Variants in FNBP1 observed in about 807,000 individuals in gnomAD.
FNBP1 encodes formin binding protein 1.
Under a neutral mutation model 90.6 loss-of-function variants are expected in FNBP1, and 26 were observed. The observed-to-expected ratio is 0.29, with a 90% CI of 0.21 to 0.40. The LOEUF is 0.40. FNBP1 is among the 10% of genes least tolerant of loss of function. The probability of loss-of-function intolerance (pLI) is 1.00; values close to 1 mark genes in which losing one functional copy is unlikely to be tolerated. For synonymous variants in FNBP1, 260 were observed against 265.2 expected, an observed-to-expected ratio of 0.98 and a Z score of 0.19; for missense variants, 635 against 768.0, an observed-to-expected ratio of 0.83 and a Z score of 2.05.
At chr9:129,945,733 T>C (rs968032005) in intron 6 of FNBP1, among the ~76,000 whole-genome samples, 2 of 152,246 alleles carry the variant, frequency 1.3e-5, no homozygotes, top group African/African-American at 4.8e-5. Context: ...CTACTAAATT[T>C]CGTTTGTTTT....
At chr9:129,913,764 C>T (rs1042291110) in intron 11 of FNBP1, among the ~76,000 whole-genome samples, 1 of 152,056 alleles carries the variant, frequency 6.6e-6, no homozygotes, top group East Asian at 1.9e-4. Context: ...GAGCGAGACT[C>T]TGTCTCCTAA....
At position 129,946,180 on chromosome 9, in the gene FNBP1, A is replaced by G. The variant is rs928986235; in HGVS notation, c.513+11180T>C. On this transcript the variant is annotated intron_variant, in intron 6 of 16. Transcript: ENST00000446176. ...CAATACTCTGTTTCAAAAAAAAACA[A>G]AAAACCAGAAATGAAATTTTATTTT... 5.3e-5 allele frequency among the ~76,000 whole-genome samples: 8 copies of G among 152,208 alleles called. No homozygotes were observed. The East Asian group carries it at 1.3e-3, about 26-fold the overall frequency.
chr9:129,901,330 A>G (rs1164278707), intron 13 of FNBP1, among the ~76,000 whole-genome samples: 2 of 151,868 alleles, frequency 1.3e-5, no homozygotes, highest in Non-Finnish European at 2.9e-5. Context: ...TGAGGTCAGG[A>G]GTTCGAGACC....
chr9:129,918,042 C>T (rs2040520670), intron 10 of FNBP1, among the ~76,000 whole-genome samples: 1 of 152,238 alleles, frequency 6.6e-6, no homozygotes, highest in African/African-American at 2.4e-5. Context: ...TATTTGCTCT[C>T]TACTCGGCTA....
chr9:130,013,541 A>G (rs538376654), intron 1 of FNBP1, among the ~76,000 whole-genome samples: 8 of 152,280 alleles, frequency 5.3e-5, no homozygotes, highest in Admixed American at 5.2e-4. Context: ...TTTACCTAGT[A>G]AAGGTGAACC....
At chr9:130,021,291 G>A (rs2131912408) in intron 1 of FNBP1, among the ~76,000 whole-genome samples, 1 of 152,248 alleles carries the variant, frequency 6.6e-6, no homozygotes, top group South Asian at 2.1e-4. Context: ...CAGGGAAACT[G>A]AATGATGTTT....
At chr9:130,001,893 T>G (rs925949153) in intron 1 of FNBP1, among the ~76,000 whole-genome samples, 5 of 151,790 alleles carry the variant, frequency 3.3e-5, no homozygotes, top group African/African-American at 1.2e-4. Context: ...CCAGGCATGA[T>G]GGTGGGCGCC....
chr9:129,893,640 C>CAAAAAAAAAAAAAAAAAA (rs2035352358), intron 16 of FNBP1, among the ~76,000 whole-genome samples: 1 of 24,032 alleles, frequency 4.2e-5, no homozygotes, highest in African/African-American at 1.4e-4. Context: ...AAAAAAAAGC[C>CAAAAAAAAAAAAAAAAAA]AGGCACGGGC....
In FNBP1 at chr9:129,980,377, A is replaced by T. The variant is rs1298399117; in HGVS notation, c.141-1003T>A. ...CTCCATCTCCAAAAAAAAAAAAAAA[A>T]TCAGAGTGCCAAGGGCATGTTTCTA... On this transcript the variant is annotated intron_variant, in intron 2 of 16. Transcript: ENST00000446176. Among the ~76,000 whole-genome samples, 4 of 151,668 alleles carry T rather than the reference A, an allele frequency of 2.6e-5. 1 individual carries two copies. Among genetic ancestry groups the T allele is most frequent in the African/African-American group, 9.7e-5 (4 of 41,316 alleles).
intron 1 of FNBP1, among the ~76,000 whole-genome samples, chr9:130,024,263 G>A (rs549976439): frequency 1.8e-4 from 28 of 151,846 alleles, no homozygotes; most frequent in Admixed American, 3.3e-4. Context: ...CAAAAAAACA[G>A]GAAATAATAA....
chr9:130,006,985 G>C (rs978150143), intron 1 of FNBP1, among the ~76,000 whole-genome samples: 5 of 151,932 alleles, frequency 3.3e-5, no homozygotes, highest in Non-Finnish European at 7.4e-5. Context: ...TATAATCCCA[G>C]CACTTTGGGA....
At chr9:129,912,445 T>A (rs1211631932) in intron 11 of FNBP1, among the ~76,000 whole-genome samples, 1 of 152,036 alleles carries the variant, frequency 6.6e-6, no homozygotes. Context: ...TCTTGGCACT[T>A]TGGGAGGCCG....
intron 11 of FNBP1, among the ~76,000 whole-genome samples, chr9:129,911,952 A>G (rs2039376785): frequency 6.6e-6 from 1 of 151,146 alleles, no homozygotes; most frequent in Non-Finnish European, 1.5e-5. Context: ...AAAAAACCCA[A>G]AAACAAACCA....
chr9:130,042,451 G>A lies in FNBP1; in HGVS notation c.24+501C>T, dbSNP rs1038617693. ...CTCTCGCCCCAGCACCCCAAAACCC[G>A]ACCCCCGGCGCTCGCCCCGGCCGCC... On this transcript the variant is annotated intron_variant, in intron 1 of 16. Coordinates refer to ENST00000446176, the MANE Select transcript of FNBP1 (RefSeq NM_015033.3). This position sits in a 1 kb window ranked among gnomAD's most constrained non-coding sequence, Gnocchi z 5.5. Among the ~76,000 whole-genome samples, 4 of 151,852 alleles carry A rather than the reference G, an allele frequency of 2.6e-5. No individual in the cohort carries two copies. Among genetic ancestry groups the A allele is most frequent in the African/African-American group, 9.7e-5 (4 of 41,380 alleles).
At position 129,923,986 on chromosome 9, in the gene FNBP1, G is replaced by C; in HGVS notation, c.1028C>G (p.Pro343Arg). ...AGAGGGTGAGGCAGAGGCAGGAGGG[G>C]GAGGGGGAGGCTGATGGGGGGATGT... ...LLTSPHQPPP[P>R]PPASASPSAV... The change falls in exon 10 of 17, where the codon CCC (proline) becomes CGC (arginine). Residue 343 changes from proline to arginine, a missense_variant. Pro to Arg is a moderately radical substitution (Grantham distance 103). Transcript: ENST00000446176. 2 of 1,529,632 alleles carry C rather than the reference G, an allele frequency of 1.3e-6. No homozygotes were observed. Among genetic ancestry groups the C allele is most frequent in the South Asian group, 1.2e-5 (1 of 82,152 alleles). The allele number at this position is 1,529,632 out of a possible 1,614,324, so 94.8% of individuals were successfully genotyped here.
intron 6 of FNBP1, among the ~76,000 whole-genome samples, chr9:129,943,920 GA>G (rs1475052875): frequency 7.1e-6 from 1 of 141,576 alleles, no homozygotes; most frequent in African/African-American, 2.7e-5. Context: ...GTGAACCTGG[GA>G]AGCAGAGCTT....
intron 16 of FNBP1, among the ~76,000 whole-genome samples, chr9:129,894,767 C>A (rs1564245328): frequency 6.6e-6 from 1 of 152,154 alleles, no homozygotes; most frequent in Non-Finnish European, 1.5e-5. Flanking sequence ...ATCTGATCAA[C>A]TGTCAATTTG....
Position 129,889,924 on chromosome 9 carries a change from G to C in FNBP1, c.*615C>G, listed in dbSNP as rs980758691. The C allele has an allele frequency of 4.2e-6, 1 of 236,480 alleles. No individual in the cohort carries two copies. The highest frequency in any genetic ancestry group is 8.3e-6 in the Non-Finnish European group (1 of 120,138). The allele number at this position is 236,480 out of a possible 1,614,324, so 14.6% of individuals were successfully genotyped here. On this transcript the variant is annotated 3_prime_UTR_variant, in exon 17 of 17. Transcript: ENST00000446176. Reference sequence around the variant, plus strand: ...TGGGTGTGTGTGTACCTGCCCCCCTGCCTGCCAGATGCTCCCAGGTTGAGG... The same window carrying C: ...TGGGTGTGTGTGTACCTGCCCCCCTCCCTGCCAGATGCTCCCAGGTTGAGG...
intron 1 of FNBP1, among the ~76,000 whole-genome samples, chr9:130,002,887 C>A (rs2131483683): frequency 6.6e-6 from 1 of 152,266 alleles, no homozygotes; most frequent in South Asian, 2.1e-4. Context: ...TCCCCCTTGA[C>A]CTTGACCTCA....
Sources: allele counts gnomAD v4.1 joint callset (sites outside exome capture counted in the v4.1 genomes callset), GRCh38; gene constraint gnomAD v4.1.1; non-coding constraint Gnocchi (gnomAD v3.1); transcripts MANE v1.5; gene names NCBI Gene and HGNC (gene_info 2026-07-23, HGNC 2026-07-21).